Variants in KCNJ6 observed in about 807,000 individuals in gnomAD.
The protein encoded by KCNJ6 is G protein-activated inward rectifier potassium channel 2.
A neutral mutation model predicts 34.2 loss-of-function variants in KCNJ6; 9 were observed. That is an observed-to-expected ratio of 0.26 (90% CI 0.16 to 0.46). The LOEUF is 0.46. Among genes scored for constraint, KCNJ6 ranks in the 20% least tolerant of loss-of-function variants. The pLI, the probability that KCNJ6 is intolerant of heterozygous loss-of-function variation, is 1.00. For missense variants in KCNJ6, 236 were observed against 531.3 expected (o/e 0.44, Z 5.46); for synonymous variants, 196 against 207.1 (o/e 0.95, Z 0.46).
chr21:37,777,477 C>T (rs2055147949), intron 2 of KCNJ6, among the ~76,000 whole-genome samples: 1 of 152,050 alleles, frequency 6.6e-6, no homozygotes, highest in Non-Finnish European at 1.5e-5. Context: ...TTCACTTTAC[C>T]CTGAATTCCT....
At position 37,617,440 on chromosome 21, in the gene KCNJ6, C is replaced by G. The variant is rs971611841; in HGVS notation, c.*7719G>C. On this transcript the variant is annotated 3_prime_UTR_variant, in exon 4 of 4. Coordinates refer to ENST00000609713, the MANE Select transcript of KCNJ6 (RefSeq NM_002240.5). The stretch of plus-strand genomic sequence containing the variant: ...ATTACCATATTGGCCAGGCTGGTCT[C>G]AAACTCCTGGCCTCAGGTGATCTGC... The G allele has an allele frequency of 6.6e-6, 1 of 152,156 alleles. No homozygotes were observed. The highest frequency in any genetic ancestry group is 1.5e-5 in the Non-Finnish European group (1 of 68,108). The allele number at this position is 152,156 out of a possible 1,614,324, so 9.4% of individuals were successfully genotyped here.
intron 2 of KCNJ6, among the ~76,000 whole-genome samples, chr21:37,733,338 G>C (rs2054895847): frequency 6.6e-6 from 1 of 151,744 alleles, no homozygotes; most frequent in African/African-American, 2.4e-5. Context: ...TATTTCGGGG[G>C]TCTTTTGAAG....
rs1209672886 is a variant in KCNJ6, at chr21:37,608,655, A to G, written c.*16504T>C. 2 of 152,204 alleles carry G rather than the reference A, an allele frequency of 1.3e-5. No homozygotes were observed. Among genetic ancestry groups the G allele is most frequent in the Non-Finnish European group, 2.9e-5 (2 of 68,032 alleles). The allele number at this position is 152,204 out of a possible 1,614,324, so 9.4% of individuals were successfully genotyped here. On this transcript the variant is annotated 3_prime_UTR_variant, in exon 4 of 4. Transcript: ENST00000609713. ...CTAGACTCAGTTACTTCACGTGTGAAGTGGGAAGCAGTATTTTCTCACAGG... is the reference window on the plus strand; with the variant it reads ...CTAGACTCAGTTACTTCACGTGTGAGGTGGGAAGCAGTATTTTCTCACAGG...
At chr21:37,831,589 C>T (rs1444168384) in intron 2 of KCNJ6, among the ~76,000 whole-genome samples, 2 of 152,098 alleles carry the variant, frequency 1.3e-5, no homozygotes, top group Non-Finnish European at 2.9e-5. Context: ...CATGAAAACC[C>T]GCCTCTAGGT....
rs147342411 is a variant in KCNJ6 at position 37,758,589 on chromosome 21, T to G, written c.26-43458A>C. ...ACTCTTATGAGCCAGAGGAACTGGC[T>G]CTAGTACAAATAAGCCAAGTAAGGG... On this transcript the variant is annotated intron_variant, in intron 2 of 3. Transcript: ENST00000609713. Among the ~76,000 whole-genome samples, 17 of 152,336 alleles carry G rather than the reference T, an allele frequency of 1.1e-4. No homozygotes were observed. The East Asian group carries it at 3.3e-3, about 29-fold the overall frequency.
chr21:37,723,275 A>T (rs1244964956), intron 2 of KCNJ6, among the ~76,000 whole-genome samples: 2 of 152,192 alleles, frequency 1.3e-5, no homozygotes, highest in African/African-American at 4.8e-5. Flanking sequence ...TCAAAAAACA[A>T]CAGATGCTTG....
chr21:37,658,128 C>CTGTCTGT (rs3060989), intron 3 of KCNJ6, among the ~76,000 whole-genome samples: 10 of 152,166 alleles, frequency 6.6e-5, no homozygotes, highest in African/African-American at 2.4e-4. Context: ...GGGAACACTG[C>CTGTCTGT]AGTAAGGGCT....
intron 2 of KCNJ6, among the ~76,000 whole-genome samples, chr21:37,727,976 G>C (rs2054864079): frequency 6.6e-6 from 1 of 152,212 alleles, no homozygotes; most frequent in Non-Finnish European, 1.5e-5. Context: ...GGTCAAGAAA[G>C]GCATATATAA....
chr21:37,790,075 C>T (rs1342430051), intron 2 of KCNJ6, among the ~76,000 whole-genome samples: 1 of 152,202 alleles, frequency 6.6e-6, no homozygotes, highest in Non-Finnish European at 1.5e-5. Context: ...TCTGACCAGT[C>T]TAGTCTGTCT....
chr21:37,818,211 CGTGTGT>C lies in KCNJ6; in HGVS notation c.25+22441_25+22446del, dbSNP rs10539396. 4.2e-3 allele frequency among the ~76,000 whole-genome samples: 622 copies of C among 148,324 alleles called. 4 individuals are homozygous for C. Among genetic ancestry groups the C allele is most frequent in the African/African-American group, 7.3e-3 (295 of 40,274 alleles). On this transcript the variant is annotated intron_variant, in intron 2 of 3. Transcript: ENST00000609713. ...AAAAGTGCGTGTGTGTGTGTGCGTGCGTGTGTGTGTGTGTGTGTGTGTGTGTGTGTG... is the reference window on the plus strand; with the variant it reads ...AAAAGTGCGTGTGTGTGTGTGCGTGCGTGTGTGTGTGTGTGTGTGTGTGTG...
chr21:37,669,621 C>G (rs8133572), intron 3 of KCNJ6, among the ~76,000 whole-genome samples: 75,904 of 151,544 alleles, frequency 0.5, 20,362 homozygotes, highest in African/African-American at 0.71. Context: ...ATATGCATCT[C>G]TGCTATAATG....
intron 2 of KCNJ6, among the ~76,000 whole-genome samples, chr21:37,765,121 A>T (rs2055084518): frequency 6.6e-6 from 1 of 152,244 alleles, no homozygotes; most frequent in African/African-American, 2.4e-5. Context: ...AAAGCTTATA[A>T]TCTTTCTACT....
Position 37,622,703 on chromosome 21 carries a change from G to A in KCNJ6, c.*2456C>T, listed in dbSNP as rs1166417908. ...ACTGACAGGTGCACGTGGCCAACGT[G>A]TTGTCAAGGCTCTTCGTTCAGTTGT... On this transcript the variant is annotated 3_prime_UTR_variant, in exon 4 of 4. Coordinates refer to ENST00000609713, the MANE Select transcript of KCNJ6 (RefSeq NM_002240.5). The A allele has an allele frequency of 6.6e-6, 1 of 152,214 alleles. No individual in the cohort carries two copies. Among genetic ancestry groups the A allele is most frequent in the African/African-American group, 2.4e-5 (1 of 41,448 alleles). 9.4% of individuals were successfully genotyped at this position (152,214 alleles called of 1,614,324 possible). A position where few individuals can be genotyped will look rare whatever the true frequency, so the allele number is the denominator to read the frequency against.
chr21:37,806,037 C>T (rs1354587393), intron 2 of KCNJ6, among the ~76,000 whole-genome samples: 13 of 152,168 alleles, frequency 8.5e-5, no homozygotes, highest in South Asian at 2.1e-4. Flanking sequence ...ACTAATATAG[C>T]GTTCTAACAT....
intron 2 of KCNJ6, among the ~76,000 whole-genome samples, chr21:37,812,152 G>A (rs1431035646): frequency 6.6e-6 from 1 of 152,102 alleles, no homozygotes; most frequent in Non-Finnish European, 1.5e-5. Context: ...AAAATGCTCT[G>A]GTTATACCAC....
At chr21:37,757,887 G>T (rs971078906) in intron 2 of KCNJ6, among the ~76,000 whole-genome samples, 1 of 152,272 alleles carries the variant, frequency 6.6e-6, no homozygotes, top group Admixed American at 6.5e-5. Context: ...CTTAGCAAAT[G>T]ATTCCTAATT....
chr21:37,752,534 G>A (rs995702239), intron 2 of KCNJ6, among the ~76,000 whole-genome samples: 1 of 152,152 alleles, frequency 6.6e-6, no homozygotes, highest in South Asian at 2.1e-4. Flanking sequence ...GAGAGGGAAA[G>A]AGAGGAGAAA....
intron 2 of KCNJ6, among the ~76,000 whole-genome samples, chr21:37,734,436 C>T (rs185604773): frequency 2.0e-4 from 31 of 152,258 alleles, no homozygotes; most frequent in Admixed American, 1.1e-3. Flanking sequence ...TTCTTGGATC[C>T]AGTGGGCCCC....
chr21:37,644,906 C>T (rs913988809), intron 3 of KCNJ6, among the ~76,000 whole-genome samples: 1 of 151,924 alleles, frequency 6.6e-6, no homozygotes, highest in Non-Finnish European at 1.5e-5. Flanking sequence ...CCTCCCTCCT[C>T]ACCTCCGCAT....
Sources: gnomAD v4.1 joint callset for allele counts (sites outside exome capture counted in the v4.1 genomes callset) on GRCh38, gnomAD v4.1.1 for gene constraint, MANE v1.5 for transcripts, NCBI Gene and HGNC (gene_info 2026-07-23, HGNC 2026-07-21) for gene names.